EYS: variants seen among roughly 807,000 people sequenced by gnomAD.
EYS encodes EGF-like photoreceptor maintenance factor, also known as protein eyes shut homolog.
Under a neutral mutation model 282.1 loss-of-function variants are expected in EYS, and 250 were observed. That is an observed-to-expected ratio of 0.89 (90% CI 0.80 to 0.98). EYS has a LOEUF of 0.98. Ranked by LOEUF, EYS falls within the 50% of genes least tolerant of loss-of-function variation. EYS has a pLI of 0.00. For synonymous variants in EYS, 1,355 were observed against 1,282.9 expected, an observed-to-expected ratio of 1.06 and a Z score of -1.20; for missense variants, 4,016 against 3,709.0, an observed-to-expected ratio of 1.08 and a Z score of -2.15.
At chr6:64,153,576 A>G (rs1187304854) in intron 31 of EYS, among the ~76,000 whole-genome samples, 1 of 152,252 alleles carries the variant, frequency 6.6e-6, no homozygotes, top group East Asian at 1.9e-4. Context: ...ATAAGTTATT[A>G]GGGAAAGCAA....
intron 8 of EYS, among the ~76,000 whole-genome samples, chr6:65,363,328 G>A (rs1764785852): frequency 6.6e-6 from 1 of 151,804 alleles, no homozygotes; most frequent in Admixed American, 6.6e-5. Context: ...AATTGCTAAT[G>A]CAAACTTCTT....
intron 1 of EYS, among the ~76,000 whole-genome samples, chr6:65,699,950 T>A (rs1025302608): frequency 2.0e-5 from 3 of 151,082 alleles, no homozygotes; most frequent in African/African-American, 7.3e-5. Flanking sequence ...CTGTCTCTAC[T>A]AAAAATACAA....
chr6:64,274,298 C>T (rs1032471354), intron 30 of EYS, among the ~76,000 whole-genome samples: 11 of 152,026 alleles, frequency 7.2e-5, no homozygotes, highest in Admixed American at 3.9e-4. Flanking sequence ...CATCAGCTTC[C>T]GGAGTAGGTG....
intron 12 of EYS, among the ~76,000 whole-genome samples, chr6:65,193,287 G>A (rs1452157203): frequency 6.6e-6 from 1 of 151,814 alleles, no homozygotes; most frequent in East Asian, 1.9e-4. Flanking sequence ...AACCTATTCA[G>A]CATCTGTACC....
intron 36 of EYS, among the ~76,000 whole-genome samples, chr6:63,814,318 T>G (rs1446774645): frequency 4.6e-5 from 7 of 152,224 alleles, no homozygotes; most frequent in African/African-American, 1.7e-4. Context: ...CAGTTACCTT[T>G]TCCTTCTGAA....
chr6:64,390,307 C>T (rs1237545314), intron 28 of EYS, among the ~76,000 whole-genome samples: 1 of 152,196 alleles, frequency 6.6e-6, no homozygotes, highest in African/African-American at 2.4e-5. Context: ...CTGTAGGCTC[C>T]ACCTCTGGGG....
chr6:64,726,660 T>G (rs1771768988), intron 22 of EYS, among the ~76,000 whole-genome samples: 1 of 152,174 alleles, frequency 6.6e-6, no homozygotes, highest in African/African-American at 2.4e-5. Context: ...AAAGTCTTTT[T>G]GTAGAATTCA....
intron 2 of EYS, among the ~76,000 whole-genome samples, chr6:65,610,794 T>C (rs1562286702): frequency 6.6e-6 from 1 of 152,116 alleles, no homozygotes; most frequent in Non-Finnish European, 1.5e-5. Flanking sequence ...AGCATACTAA[T>C]TACTTTTTAA....
At position 65,705,688 on chromosome 6, in the gene EYS, A is replaced by C. The variant is rs543146346; in HGVS notation, c.-448+1447T>G. 2.0e-5 allele frequency among the ~76,000 whole-genome samples: 3 copies of C among 152,290 alleles called. No individual in the cohort carries two copies. The East Asian group carries it at 5.8e-4, about 29-fold the overall frequency. ...CAACTGCAAACATGGAAGTTTCTTC[A>C]TGGTTTGGCATTTGAGTTCTTGAAT... On this transcript the variant is annotated intron_variant, in intron 1 of 42. Coordinates refer to ENST00000503581, the MANE Select transcript of EYS (RefSeq NM_001142800.2).
chr6:64,056,096 G>T (rs1267537661), intron 33 of EYS, among the ~76,000 whole-genome samples: 1 of 152,098 alleles, frequency 6.6e-6, no homozygotes, highest in African/African-American at 2.4e-5. Context: ...GAGGCCTCTG[G>T]TGCAACTACT....
At chr6:65,293,960 A>C (rs968366163) in intron 12 of EYS, among the ~76,000 whole-genome samples, 2 of 151,910 alleles carry the variant, frequency 1.3e-5, no homozygotes, top group Non-Finnish European at 2.9e-5. Flanking sequence ...CAGAAAGCAC[A>C]TGAGTTTGGA....
At chr6:64,755,944 T>A (rs1562173501) in intron 22 of EYS, among the ~76,000 whole-genome samples, 1 of 152,178 alleles carries the variant, frequency 6.6e-6, no homozygotes, top group Non-Finnish European at 1.5e-5. Context: ...ATTTTGTGAA[T>A]CTATAAGTTA....
chr6:65,258,275 C>G (rs1422754831), intron 12 of EYS, among the ~76,000 whole-genome samples: 2 of 151,816 alleles, frequency 1.3e-5, no homozygotes, highest in African/African-American at 2.4e-5. Context: ...TGACAATAGA[C>G]AAAGCAAGGG....
intron 30 of EYS, among the ~76,000 whole-genome samples, chr6:64,244,916 G>T (rs1365784918): frequency 6.6e-6 from 1 of 152,000 alleles, no homozygotes; most frequent in Non-Finnish European, 1.5e-5. Context: ...CCATGTTGGT[G>T]TGCTGCACCC....
At chr6:63,871,901 G>A (rs1772815250) in intron 35 of EYS, among the ~76,000 whole-genome samples, 1 of 152,040 alleles carries the variant, frequency 6.6e-6, no homozygotes, top group Non-Finnish European at 1.5e-5. Context: ...GAAACTCAGT[G>A]CTGCTCACCC....
At chr6:64,621,641 T>C (rs2149853034) in intron 23 of EYS, among the ~76,000 whole-genome samples, 1 of 152,346 alleles carries the variant, frequency 6.6e-6, no homozygotes. Context: ...TTGTGGCTAC[T>C]GGTGGCAGAT....
intron 13 of EYS, among the ~76,000 whole-genome samples, chr6:65,024,150 T>C (rs1772328884): frequency 6.6e-6 from 1 of 152,180 alleles, no homozygotes; most frequent in Non-Finnish European, 1.5e-5. Flanking sequence ...TGTAAACTTC[T>C]ATCATTGTGA....
rs143751807 is a variant in EYS, at chr6:65,251,669, G to T, written c.2023+44194C>A. The stretch of plus-strand genomic sequence containing the variant: ...CAAGCAAACAGTAGCAGGTAAAATG[G>T]GTAGAAGACCCAAATGCCAGTGAAT... On this transcript the variant is annotated intron_variant, in intron 12 of 42. Coordinates refer to ENST00000503581, the MANE Select transcript of EYS (RefSeq NM_001142800.2). Among the ~76,000 whole-genome samples, 90 of 152,008 alleles carry T rather than the reference G, an allele frequency of 5.9e-4. 4 individuals carry two copies. In the East Asian group the frequency reaches 0.014, roughly 24 times the overall value.
At chr6:64,635,896 T>G (rs1037738162) in intron 22 of EYS, among the ~76,000 whole-genome samples, 1 of 152,202 alleles carries the variant, frequency 6.6e-6, no homozygotes, top group African/African-American at 2.4e-5. Flanking sequence ...TCAGAAGGAA[T>G]GGTACCAGCT....
Sources: gnomAD v4.1 joint callset for allele counts (sites outside exome capture counted in the v4.1 genomes callset) on GRCh38, gnomAD v4.1.1 for gene constraint, MANE v1.5 for transcripts, NCBI Gene and HGNC (gene_info 2026-07-23, HGNC 2026-07-21) for gene names.